RHOQ: variants seen among roughly 807,000 people sequenced by gnomAD.
RHOQ encodes the protein rho-related GTP-binding protein RhoQ.
RHOQ carries 7 observed loss-of-function variants against 25.8 expected under a neutral mutation model. That is an observed-to-expected ratio of 0.27 (90% CI 0.15 to 0.51). The LOEUF (loss-of-function observed/expected upper bound fraction) is 0.51, where lower values mean the gene tolerates loss of function less well. RHOQ is among the 20% of genes least tolerant of loss of function. RHOQ has a pLI of 0.97. For missense variants in RHOQ, 165 were observed against 260.6 expected (o/e 0.63, Z 2.53); for synonymous variants, 97 against 98.6 (o/e 0.98, Z 0.10).
At chr2:46,543,330 A>G in intron 1 of RHOQ, 142 bp downstream of exon 1, 1 of 716,706 alleles carries the variant, frequency 1.4e-6, no homozygotes, top group Admixed American at 4.4e-5. Context: ...GGCCGGCCCC[A>G]CCCCCGAAGC....
rs1249696709 is a variant in RHOQ, at chr2:46,543,436, C to G, written c.142+248C>G. ...CCCGCACTTCCTACCCCTCGGCGCC[C>G]TGGGCCGTCCTCCTTGACCTTCCCA... On this transcript the variant is annotated intron_variant, in intron 1 of 4. Coordinates refer to ENST00000238738, the MANE Select transcript of RHOQ (RefSeq NM_012249.4). 5.0e-6 allele frequency: 3 copies of G among 601,492 alleles called. No homozygotes were observed. The African/African-American group carries it at 5.6e-5, about 11-fold the overall frequency. The allele number at this position is 601,492 out of a possible 1,614,324, so 37.3% of individuals were successfully genotyped here. A position where few individuals can be genotyped will look rare whatever the true frequency, so the allele number is the denominator to read the frequency against.
Position 46,548,383 on chromosome 2 carries a change from A to G in RHOQ, c.201+4571A>G, listed in dbSNP as rs1312825862. ...AGCAGAAGGGCCTGGCATGATGAGAAAAGGGAAGGAGAAAGGGCCATGGGA... is the reference window on the plus strand; with the variant it reads ...AGCAGAAGGGCCTGGCATGATGAGAGAAGGGAAGGAGAAAGGGCCATGGGA... On this transcript the variant is annotated intron_variant, in intron 2 of 4. Transcript: ENST00000238738. The surrounding 1 kb of genome is among the most constrained non-coding windows in gnomAD (Gnocchi z 5.2). Among the ~76,000 whole-genome samples, 2 of 152,168 alleles carry G rather than the reference A, an allele frequency of 1.3e-5. No homozygotes were observed. Among genetic ancestry groups the G allele is most frequent in the African/African-American group, 4.8e-5 (2 of 41,424 alleles).
rs1409722111 is a variant in RHOQ at position 46,572,120 on chromosome 2, T to TGTTTG, written c.202-3967_202-3966insGTTTG. On this transcript the variant is annotated intron_variant, in intron 2 of 4. Transcript: ENST00000238738. ...TGGTAAGTGTGTGTTTTTTTTTTTTTTTTTTTTTTTTTTTGAGACAGGGTC... is the reference window on the plus strand; with the variant it reads ...TGGTAAGTGTGTGTTTTTTTTTTTTTGTTTGTTTTTTTTTTTTTTGAGACAGGGTC... Among the ~76,000 whole-genome samples, 17 of 138,180 alleles carry TGTTTG rather than the reference T, an allele frequency of 1.2e-4. 1 individual carries two copies. The highest frequency in any genetic ancestry group is 4.5e-4 in the African/African-American group (16 of 35,194). 90.7% of individuals were successfully genotyped at this position (138,180 alleles called of 152,430 possible). A position where few individuals can be genotyped will look rare whatever the true frequency, so the allele number is the denominator to read the frequency against.
intron 2 of RHOQ, among the ~76,000 whole-genome samples, chr2:46,544,531 C>A (rs564941298): frequency 2.0e-5 from 3 of 152,330 alleles, no homozygotes; most frequent in African/African-American, 7.2e-5. Context: ...GCACACTTTG[C>A]CCTGCAGCCT....
At chr2:46,578,080 A>C (rs1245174405) in intron 4 of RHOQ, among the ~76,000 whole-genome samples, 1 of 152,190 alleles carries the variant, frequency 6.6e-6, no homozygotes. Context: ...CAATAGAAAA[A>C]TGGGCTAACA....
chr2:46,543,867 G>C, intron 2 of RHOQ, 55 bp downstream of exon 2: 1 of 1,514,880 alleles, frequency 6.6e-7, no homozygotes, highest in South Asian at 1.2e-5. Context: ...GTTCTTTGTG[G>C]CTGCGAAGGG....
Position 46,566,388 on chromosome 2 carries a change from A to G in RHOQ, c.202-9699A>G, listed in dbSNP as rs535662627. 6.6e-6 allele frequency among the ~76,000 whole-genome samples: 1 copy of G among 151,794 alleles called. No individual in the cohort carries two copies. Among genetic ancestry groups the G allele is most frequent in the Non-Finnish European group, 1.5e-5 (1 of 67,954 alleles). The stretch of plus-strand genomic sequence containing the variant: ...AGTTCTCTCCCTATGGTGCTTCTCT[A>G]CCCTACCCTCAGTTTTCTTCATCCC... On this transcript the variant is annotated intron_variant, in intron 2 of 4. Transcript: ENST00000238738. The surrounding 1 kb of genome is among the most constrained non-coding windows in gnomAD (Gnocchi z 4.2).
At chr2:46,574,185 A>G (rs756955119) in intron 2 of RHOQ, among the ~76,000 whole-genome samples, 1 of 152,206 alleles carries the variant, frequency 6.6e-6, no homozygotes, top group Non-Finnish European at 1.5e-5. Flanking sequence ...AAGGGATAGT[A>G]TCCCCATTCC....
At chr2:46,570,054 G>C (rs767151799) in intron 2 of RHOQ, among the ~76,000 whole-genome samples, 2 of 152,160 alleles carry the variant, frequency 1.3e-5, no homozygotes, top group Non-Finnish European at 2.9e-5. Context: ...TTGAAAAACA[G>C]AGTTATTTTT....
intron 4 of RHOQ, among the ~76,000 whole-genome samples, chr2:46,577,817 C>G (rs1269870567): frequency 6.6e-6 from 1 of 151,982 alleles, no homozygotes; most frequent in African/African-American, 2.4e-5. Context: ...GCTTTACTAA[C>G]AAATCACTTC....
chr2:46,560,094 C>T lies in RHOQ; in HGVS notation c.202-15993C>T, dbSNP rs569188056. On this transcript the variant is annotated intron_variant, in intron 2 of 4. Transcript: ENST00000238738. ...CGTTCCACCCTCTTGCTTGTGGCTCCGCGTTCAGTCCAGCTGCAGAAGCAG... is the reference window on the plus strand; with the variant it reads ...CGTTCCACCCTCTTGCTTGTGGCTCTGCGTTCAGTCCAGCTGCAGAAGCAG... Among the ~76,000 whole-genome samples the T allele has an allele frequency of 3.5e-4, 53 of 152,306 alleles. 1 individual carries two copies. Among genetic ancestry groups the T allele is most frequent in the African/African-American group, 1.1e-3 (47 of 41,572 alleles).
At position 46,556,320 on chromosome 2, in the gene RHOQ, G is replaced by T. The variant is rs1668408990; in HGVS notation, c.201+12508G>T. Among the ~76,000 whole-genome samples, 1 of 151,826 alleles carries T rather than the reference G, an allele frequency of 6.6e-6. No individual in the cohort carries two copies. Among genetic ancestry groups the T allele is most frequent in the Non-Finnish European group, 1.5e-5 (1 of 67,990 alleles). The stretch of plus-strand genomic sequence containing the variant: ...GCTCTTTTTCAGTTGTTCTTCCATG[G>T]CCATTCTTTCCCGGGCTCTGGGGAC... On this transcript the variant is annotated intron_variant, in intron 2 of 4. Transcript: ENST00000238738. The surrounding 1 kb of genome is among the most constrained non-coding windows in gnomAD (Gnocchi z 4.9).
intron 2 of RHOQ, among the ~76,000 whole-genome samples, chr2:46,573,011 C>T (rs1451152): frequency 0.39 from 59,235 of 151,536 alleles, 12,028 homozygotes; most frequent in African/African-American, 0.48. Flanking sequence ...TATTAGACTT[C>T]TAATTACTCA....
At chr2:46,543,302 C>T (rs1558678225) in intron 1 of RHOQ, 114 bp downstream of exon 1, 2 of 1,240,146 alleles carry the variant, frequency 1.6e-6, no homozygotes, top group Non-Finnish European at 2.3e-6. Context: ...CCCTCCCCCG[C>T]CGCGCCCTCT....
rs372381424 is a variant in RHOQ at position 46,546,231 on chromosome 2, G to C, written c.201+2419G>C. Reference sequence around the variant, plus strand: ...GAATTTAAAATGGGGATCTACCACAGCTGATGTCAGCAAAGGGAGAAATGT... The same window carrying C: ...GAATTTAAAATGGGGATCTACCACACCTGATGTCAGCAAAGGGAGAAATGT... On this transcript the variant is annotated intron_variant, in intron 2 of 4. Coordinates refer to ENST00000238738, the MANE Select transcript of RHOQ (RefSeq NM_012249.4). 4.0e-5 allele frequency among the ~76,000 whole-genome samples: 6 copies of C among 151,770 alleles called. No individual in the cohort carries two copies. In the East Asian group the frequency reaches 9.7e-4, roughly 25 times the overall value.
chr2:46,576,257 T>A lies in RHOQ; in HGVS notation c.366+6T>A. The A allele has an allele frequency of 6.2e-7, 1 of 1,603,488 alleles. No individual in the cohort carries two copies. The highest frequency in any genetic ancestry group is 8.5e-7 in the Non-Finnish European group (1 of 1,175,318). ...TTTTATTAATAGGAACTCAGGTATG[T>A]CTGGTTTGATTTTCTGCATTTTAGA... On this transcript the variant is annotated splice_donor_region_variant and intron_variant, in intron 3 of 4. Coordinates refer to ENST00000238738, the MANE Select transcript of RHOQ (RefSeq NM_012249.4). This position sits in a 1 kb window ranked among gnomAD's most constrained non-coding sequence, Gnocchi z 5.1.
chr2:46,544,154 T>C (rs200467541), intron 2 of RHOQ, among the ~76,000 whole-genome samples: 3 of 151,628 alleles, frequency 2.0e-5, no homozygotes, highest in South Asian at 4.2e-4. Flanking sequence ...TGACCAGGTC[T>C]CCCCCCCACA....
intron 2 of RHOQ, among the ~76,000 whole-genome samples, chr2:46,546,451 C>CATATATATATATATATATACGTATAT (rs1668047159): frequency 2.1e-5 from 1 of 47,128 alleles, no homozygotes; most frequent in Non-Finnish European, 4.3e-5. Flanking sequence ...TACACATATA[C>CATATATATATATATATATACGTATAT]ATATATATAT....
chr2:46,571,951 T>C (rs757414005), intron 2 of RHOQ, among the ~76,000 whole-genome samples: 13 of 152,014 alleles, frequency 8.6e-5, no homozygotes, highest in African/African-American at 1.5e-4. Flanking sequence ...GAAGTAAGGC[T>C]CATGGGCACT....
Sources: gnomAD v4.1 joint callset for allele counts (sites outside exome capture counted in the v4.1 genomes callset) on GRCh38, gnomAD v4.1.1 for gene constraint, Gnocchi (gnomAD v3.1) non-coding constraint, MANE v1.5 for transcripts, NCBI Gene and HGNC (gene_info 2026-07-23, HGNC 2026-07-21) for gene names.